The following EHD1 variants were observed in gnomAD, a reference collection of about 807,000 sequenced individuals.
The protein encoded by EHD1 is EH domain-containing protein 1.
EHD1 carries 19 observed loss-of-function variants against 39.0 expected under a neutral mutation model. The ratio of observed to expected loss-of-function variants is 0.49; its 90% confidence interval spans 0.34 to 0.72. EHD1 has a LOEUF of 0.72. EHD1 is among the 30% of genes least tolerant of loss of function. The pLI, the probability that EHD1 is intolerant of heterozygous loss-of-function variation, is 0.01. For missense variants in EHD1, 542 were observed against 751.5 expected, an observed-to-expected ratio of 0.72 and a Z score of 3.26; for synonymous variants, 323 against 331.2, an observed-to-expected ratio of 0.98 and a Z score of 0.27.
At position 64,854,601 on chromosome 11, in the gene EHD1, G is replaced by A. The variant is rs201012032; in HGVS notation, c.1337C>T (p.Pro446Leu). ...CGTGTAGAAGATCTCGTCGTAGGTGGGCTTGTCCTTGCCCACCACCCACTC... is the reference window on the plus strand; with the variant it reads ...CGTGTAGAAGATCTCGTCGTAGGTGAGCTTGTCCTTGCCCACCACCCACTC... ...DVEWVVGKDK[P>L]TYDEIFYTLS... is the part of the protein sequence containing the mutation. Residue 446 changes from proline (P) to leucine (L), a missense_variant, in exon 5 of 5, where the codon CCC becomes CTC. Physicochemically the swap from Pro to Leu is moderately conservative, Grantham distance 98. Coordinates refer to ENST00000320631, the MANE Select transcript of EHD1 (RefSeq NM_006795.4). The A allele has an allele frequency of 1.3e-4, 203 of 1,613,794 alleles. No homozygotes were observed. The highest frequency in any genetic ancestry group is 1.4e-4 in the Non-Finnish European group (165 of 1,179,946).
chr11:64,855,706 A>G, intron 3 of EHD1: 1 of 598,628 alleles, frequency 1.7e-6, no homozygotes, highest in South Asian at 2.1e-5. Flanking sequence ...CACAGGACAG[A>G]GGACAGGACA....
At chr11:64,878,025 A>ACG (rs1176803181) in intron 1 of EHD1, 36 bp downstream of exon 1, 2 of 1,481,666 alleles carry the variant, frequency 1.3e-6, no homozygotes, top group Non-Finnish European at 1.8e-6. Flanking sequence ...TGTGCCCCGG[A>ACG]CGCGCCCCCC....
At chr11:64,863,259 T>G (rs1943733740) in intron 2 of EHD1, among the ~76,000 whole-genome samples, 1 of 152,172 alleles carries the variant, frequency 6.6e-6, no homozygotes. Context: ...TCCTGGCATC[T>G]CCATGAAAAA....
At chr11:64,871,075 A>G (rs971682583) in intron 2 of EHD1, among the ~76,000 whole-genome samples, 23 of 152,202 alleles carry the variant, frequency 1.5e-4, no homozygotes, top group African/African-American at 4.3e-4. Flanking sequence ...GGGAAAGGGG[A>G]AAAAAAGTCA....
chr11:64,878,485 C>A lies in EHD1; in HGVS notation c.-21G>T. ...AACATACTGCCGGACACGGGGCTGG[C>A]TGCTGCGGGGCAGAGCGGCGGCTGA... On this transcript the variant is annotated 5_prime_UTR_variant, in exon 1 of 5. Transcript: ENST00000320631. The A allele has an allele frequency of 6.3e-7, 1 of 1,581,280 alleles. No homozygotes were observed.
At chr11:64,872,702 C>T (rs1943842646) in intron 2 of EHD1, among the ~76,000 whole-genome samples, 1 of 151,956 alleles carries the variant, frequency 6.6e-6, no homozygotes, top group South Asian at 2.1e-4. Context: ...AGCTCTGAAA[C>T]CAGATGAGGG....
At chr11:64,867,492 G>T (rs1943780560) in intron 2 of EHD1, among the ~76,000 whole-genome samples, 1 of 151,972 alleles carries the variant, frequency 6.6e-6, no homozygotes, top group Non-Finnish European at 1.5e-5. Context: ...GCCGAGGTGG[G>T]CGAATCACCT....
chr11:64,874,938 G>A (rs143391945), intron 1 of EHD1, among the ~76,000 whole-genome samples: 50 of 152,330 alleles, frequency 3.3e-4, no homozygotes, highest in Middle Eastern at 3.4e-3. Flanking sequence ...AGAGCTGGCC[G>A]CTTCCTACTG....
chr11:64,867,157 A>G (rs1943776120), intron 2 of EHD1, among the ~76,000 whole-genome samples: 1 of 152,170 alleles, frequency 6.6e-6, no homozygotes, highest in Non-Finnish European at 1.5e-5. Flanking sequence ...AGTGGCTCAC[A>G]CCTGTAATCC....
upstream of EHD1, chr11:64,878,784 G>A: frequency 1.6e-6 from 2 of 1,237,352 alleles, no homozygotes; most frequent in East Asian, 7.1e-5. Flanking sequence ...GCCCCCATTG[G>A]CTGATTCCAA....
intron 2 of EHD1, among the ~76,000 whole-genome samples, chr11:64,865,301 G>C (rs893226072): frequency 2.0e-5 from 3 of 152,210 alleles, no homozygotes; most frequent in Non-Finnish European, 4.4e-5. Flanking sequence ...AAGACGCCGG[G>C]TTTCAAGAGG....
chr11:64,877,373 G>A (rs1003725423), intron 1 of EHD1, among the ~76,000 whole-genome samples: 1 of 152,292 alleles, frequency 6.6e-6, no homozygotes, highest in East Asian at 1.9e-4. Context: ...GTGCACAGAA[G>A]GGCTTAGGGC....
chr11:64,865,898 C>T (rs1396660244), intron 2 of EHD1, among the ~76,000 whole-genome samples: 3 of 152,158 alleles, frequency 2.0e-5, no homozygotes, highest in Non-Finnish European at 4.4e-5. Context: ...AACATTTATA[C>T]GCTGCTGGTG....
chr11:64,855,476 T>C lies in EHD1; in HGVS notation c.926A>G (p.Tyr309Cys), dbSNP rs1219832228. The C allele has an allele frequency of 1.4e-5, 22 of 1,613,800 alleles. No individual in the cohort carries two copies. Among genetic ancestry groups the C allele is most frequent in the Non-Finnish European group, 1.7e-5 (20 of 1,180,010 alleles). The change falls in exon 4 of 5, where the codon TAC becomes TGC. Residue 309 changes from tyrosine to cysteine, a missense_variant. Physicochemically the swap from Tyr to Cys is radical, Grantham distance 194 (BLOSUM62 -2). Coordinates refer to ENST00000320631, the MANE Select transcript of EHD1 (RefSeq NM_006795.4). Reference protein sequence around the residue: ...KRARLAKVHAYIISSLKKEMP... With the variant: ...KRARLAKVHACIISSLKKEMP... ...CTCTTTCTTGAGGGAGCTGATGATG[T>C]AGGCGTGAACCTGTGAGGACGGGGT...
In EHD1 at chr11:64,878,299, C is replaced by A. The variant is rs1316872445; in HGVS notation, c.166G>T (p.Asp56Tyr). 6.2e-7 allele frequency: 1 copy of A among 1,614,196 alleles called. No individual in the cohort carries two copies. ...ACGAGGAGCACCATAGGCTTGTTGT[C>A]GAAGTCAGCGTCCTCCAGCGCGGGC... ...HSPALEDADF[D>Y]NKPMVLLVGQ... is the part of the protein sequence containing the mutation. Residue 56 changes from aspartate (D) to tyrosine (Y), a missense_variant, in exon 1 of 5, where the codon GAC becomes TAC. Transcript: ENST00000320631.
chr11:64,866,771 C>T (rs1943771360), intron 2 of EHD1, among the ~76,000 whole-genome samples: 1 of 152,106 alleles, frequency 6.6e-6, no homozygotes, highest in Non-Finnish European at 1.5e-5. Context: ...CCCCACCACA[C>T]TCCATTTACC....
At chr11:64,878,660 TC>T (rs1431477529), upstream of EHD1, 2 of 1,334,072 alleles carry the variant, frequency 1.5e-6, no homozygotes, top group Non-Finnish European at 1.9e-6. Context: ...ATAGGGTCGG[TC>T]CCTCAGTGGC....
rs567807578 is a variant in EHD1 at position 64,854,463 on chromosome 11, T to C, written c.1475A>G (p.Lys492Arg). 9 of 1,614,184 alleles carry C rather than the reference T, an allele frequency of 5.6e-6. No individual in the cohort carries two copies. The East Asian group carries it at 1.6e-4, about 28-fold the overall frequency. Residue 492 changes from lysine to arginine, a missense_variant, in exon 5 of 5, where the codon AAG becomes AGG. Coordinates refer to ENST00000320631, the MANE Select transcript of EHD1 (RefSeq NM_006795.4). The part of the protein sequence containing the change: ...GKIWKLADVD[K>R]DGLLDDEEFA... ...CTCCTCGTCGTCCAGCAGCCCGTCCTTGTCCACGTCGGCCAGCTTCCAGAT... is the reference window on the plus strand; with the variant it reads ...CTCCTCGTCGTCCAGCAGCCCGTCCCTGTCCACGTCGGCCAGCTTCCAGAT...
intron 2 of EHD1, among the ~76,000 whole-genome samples, chr11:64,871,559 C>T (rs963966575): frequency 6.6e-6 from 1 of 152,230 alleles, no homozygotes; most frequent in Non-Finnish European, 1.5e-5. Context: ...CACATCTAAA[C>T]CAAGGCCTCT....
Sources: allele counts gnomAD v4.1 joint callset (sites outside exome capture counted in the v4.1 genomes callset), GRCh38; gene constraint gnomAD v4.1.1; transcripts MANE v1.5; gene names NCBI Gene and HGNC (gene_info 2026-07-23, HGNC 2026-07-21).